DLGAP1: variants seen among roughly 807,000 people sequenced by gnomAD.
DLGAP1 encodes the protein disks large-associated protein 1.
Under a neutral mutation model 90.8 loss-of-function variants are expected in DLGAP1, and 11 were observed. That is an observed-to-expected ratio of 0.12 (90% CI 0.08 to 0.20). DLGAP1 has a LOEUF of 0.20. DLGAP1 is among the 10% of genes least tolerant of loss of function. The pLI is 1.00. For missense variants in DLGAP1, 1,050 were observed against 1,333.8 expected (o/e 0.79, Z 3.31); for synonymous variants, 558 against 540.7 (o/e 1.03, Z -0.44).
At chr18:3,779,283 C>T (rs2065079179) in intron 5 of DLGAP1, among the ~76,000 whole-genome samples, 1 of 152,098 alleles carries the variant, frequency 6.6e-6, no homozygotes, top group Non-Finnish European at 1.5e-5. Context: ...GCCATGTTGC[C>T]CAGGCTGGTC....
intron 7 of DLGAP1, among the ~76,000 whole-genome samples, chr18:3,684,869 T>C (rs988663439): frequency 3.9e-5 from 6 of 152,216 alleles, no homozygotes; most frequent in Admixed American, 2.6e-4. Context: ...GAAGGCAGCA[T>C]AGTTTAGTAA....
Position 4,354,887 on chromosome 18 carries a change from CAAAAAAAAAAAAAAAAAA to C in DLGAP1, c.-267+100101_-267+100118del, listed in dbSNP as rs60379984. Among the ~76,000 whole-genome samples the C allele has an allele frequency of 4.6e-4, 11 of 23,874 alleles. No individual in the cohort carries two copies. In the South Asian group the frequency reaches 0.015, roughly 33 times the overall value. 15.7% of individuals were successfully genotyped at this position (23,874 alleles called of 152,430 possible). A position where few individuals can be genotyped will look rare whatever the true frequency, so the allele number is the denominator to read the frequency against. ...TGGCTTTTTCTGCAATTACTCTCAC[CAAAAAAAAAAAAAAAAAA>C]AAAAAAAAAAAAAAAAAAATCCTCT... On this transcript the variant is annotated intron_variant, in intron 1 of 12. Transcript: ENST00000315677.
intron 4 of DLGAP1, among the ~76,000 whole-genome samples, chr18:3,866,226 T>C (rs1195798937): frequency 6.6e-6 from 1 of 152,214 alleles, no homozygotes; most frequent in African/African-American, 2.4e-5. Context: ...CTGCTGCTGC[T>C]GCTGCTAATA....
intron 1 of DLGAP1, among the ~76,000 whole-genome samples, chr18:4,453,428 G>A (rs1372316052): frequency 6.6e-6 from 1 of 151,998 alleles, no homozygotes; most frequent in Non-Finnish European, 1.5e-5. Flanking sequence ...TGTCATTTCC[G>A]TTCAAGTTTT....
rs554769691 is a variant in DLGAP1 at position 3,506,325 on chromosome 18, C to A, written c.2571+2245G>T. ...GGTCAGGAGTCCGAGACCAGCCTGA[C>A]CAACATGGAGAAACCCTGTCTCTAC... is the stretch of plus-strand genomic sequence containing the variant. On this transcript the variant is annotated intron_variant, in intron 11 of 12. Coordinates refer to ENST00000315677, the MANE Select transcript of DLGAP1 (RefSeq NM_004746.4). Among the ~76,000 whole-genome samples, 5 of 151,802 alleles carry A rather than the reference C, an allele frequency of 3.3e-5. No individual in the cohort carries two copies. In the East Asian group the frequency reaches 7.8e-4, roughly 24 times the overall value.
At chr18:4,278,331 T>C (rs1371842089) in intron 1 of DLGAP1, among the ~76,000 whole-genome samples, 1 of 152,182 alleles carries the variant, frequency 6.6e-6, no homozygotes, top group Non-Finnish European at 1.5e-5. Flanking sequence ...AAGTGCAATG[T>C]TGTTACATGG....
chr18:3,511,249 T>C (rs182539138), intron 10 of DLGAP1, among the ~76,000 whole-genome samples: 2 of 151,522 alleles, frequency 1.3e-5, no homozygotes, highest in Non-Finnish European at 1.5e-5. Flanking sequence ...AAAAACTCAC[T>C]TTAATTTTAA....
At chr18:4,053,188 A>G (rs981336170) in intron 2 of DLGAP1, among the ~76,000 whole-genome samples, 7 of 152,192 alleles carry the variant, frequency 4.6e-5, no homozygotes, top group African/African-American at 1.7e-4. Flanking sequence ...CATACCTGAG[A>G]CTGGTTAATT....
chr18:3,577,394 G>A (rs923557723), intron 8 of DLGAP1, among the ~76,000 whole-genome samples: 5 of 152,204 alleles, frequency 3.3e-5, no homozygotes, highest in Admixed American at 2.0e-4. Context: ...TTTAAGAAGT[G>A]AGCCTGGTCT....
rs550367366 is a variant in DLGAP1 at position 3,898,018 on chromosome 18, T to C, written c.-72-17878A>G. ...ACCTTGTTAGCCAGGATGGTCTCGA[T>C]CTCCTGACCTCGTGATCCGCCCGCC... On this transcript the variant is annotated intron_variant, in intron 3 of 12. Coordinates refer to ENST00000315677, the MANE Select transcript of DLGAP1 (RefSeq NM_004746.4). Among the ~76,000 whole-genome samples the C allele has an allele frequency of 7.2e-3, 1,088 of 152,012 alleles. 13 individuals are homozygous for C. Among genetic ancestry groups the C allele is most frequent in the African/African-American group, 0.025 (1,023 of 41,522 alleles).
chr18:4,039,029 AGGAAAAAGAG>A (rs2074933740), intron 2 of DLGAP1, among the ~76,000 whole-genome samples: 4 of 152,290 alleles, frequency 2.6e-5, no homozygotes, highest in African/African-American at 9.6e-5. Context: ...CGGCAGCACG[AGGAAAAAGAG>A]GGTTAACTTG....
At chr18:3,604,024 A>G (rs549877706) in intron 7 of DLGAP1, 1 of 154,518 alleles carries the variant, frequency 6.5e-6, no homozygotes, top group African/African-American at 2.4e-5. Context: ...TGGTATTTCC[A>G]TTTATATAAG....
At chr18:4,395,505 G>A (rs2082421830) in intron 1 of DLGAP1, among the ~76,000 whole-genome samples, 2 of 152,174 alleles carry the variant, frequency 1.3e-5, no homozygotes, top group Non-Finnish European at 2.9e-5. Context: ...CCTAACCTGG[G>A]AGACCTGCTG....
intron 2 of DLGAP1, among the ~76,000 whole-genome samples, chr18:4,054,917 C>A (rs118180241): frequency 0.016 from 2,420 of 152,178 alleles, 36 homozygotes; most frequent in South Asian, 0.029. Flanking sequence ...AGGCAAGCAC[C>A]AAAACTTTGA....
intron 3 of DLGAP1, among the ~76,000 whole-genome samples, chr18:3,908,335 T>C (rs751422839): frequency 6.6e-6 from 1 of 152,220 alleles, no homozygotes; most frequent in Admixed American, 6.5e-5. Flanking sequence ...AGTTGCCATA[T>C]AGGATTAAAA....
chr18:3,945,679 G>A (rs1170711411), intron 3 of DLGAP1, among the ~76,000 whole-genome samples: 1 of 152,148 alleles, frequency 6.6e-6, no homozygotes, highest in African/African-American at 2.4e-5. Context: ...TATACCTAAT[G>A]CTAGATGATG....
At chr18:4,416,840 A>G (rs929222096) in intron 1 of DLGAP1, among the ~76,000 whole-genome samples, 2 of 152,228 alleles carry the variant, frequency 1.3e-5, no homozygotes, top group Admixed American at 6.5e-5. Context: ...TTCAAACACA[A>G]GTTCAGACAC....
At chr18:3,708,277 A>G in intron 7 of DLGAP1, 3 of 371,982 alleles carry the variant, frequency 8.1e-6, no homozygotes, top group South Asian at 2.0e-5. Context: ...AAAGTTTTGG[A>G]ATTACAGGCA....
At chr18:4,254,502 C>G (rs2078848226) in intron 1 of DLGAP1, among the ~76,000 whole-genome samples, 1 of 152,196 alleles carries the variant, frequency 6.6e-6, no homozygotes, top group African/African-American at 2.4e-5. Flanking sequence ...TCTTATTAAA[C>G]TCAATCAGGA....
Sources: gnomAD v4.1 joint callset for allele counts (sites outside exome capture counted in the v4.1 genomes callset) on GRCh38, gnomAD v4.1.1 for gene constraint, MANE v1.5 for transcripts, NCBI Gene and HGNC (gene_info 2026-07-23, HGNC 2026-07-21) for gene names.